Variants in DDX31 observed in about 807,000 individuals in gnomAD.
DDX31 encodes DEAD-box helicase 31.
In DDX31, 70 loss-of-function variants were observed where a neutral mutation model predicts 91.3. That is an observed-to-expected ratio of 0.77 (90% CI 0.63 to 0.94). The LOEUF (loss-of-function observed/expected upper bound fraction) is 0.94, where lower values mean the gene tolerates loss of function less well. Ranked by LOEUF, DDX31 falls within the 40% of genes least tolerant of loss-of-function variation. DDX31 has a pLI of 0.00. For missense variants in DDX31, 902 were observed against 925.0 expected (o/e 0.98, Z 0.32); for synonymous variants, 362 against 350.6 (o/e 1.03, Z -0.36).
At chr9:132,626,992 C>A (rs1012386224) in intron 16 of DDX31, among the ~76,000 whole-genome samples, 2 of 152,198 alleles carry the variant, frequency 1.3e-5, no homozygotes, top group South Asian at 4.2e-4. Context: ...GAGAGCAATG[C>A]ATGGGTATTG....
At position 132,669,941 on chromosome 9, in the gene DDX31, C is replaced by T. The variant is rs2130884845; in HGVS notation, c.-7G>A. 6.3e-7 allele frequency: 1 copy of T among 1,588,358 alleles called. No homozygotes were observed. Among genetic ancestry groups the T allele is most frequent in the Non-Finnish European group, 8.6e-7 (1 of 1,168,278 alleles). On this transcript the variant is annotated 5_prime_UTR_variant, in exon 1 of 20. Transcript: ENST00000372159. ...AACCGTCGGCGGCTGCCATGGTCTG[C>T]GTGGGTGACGCGTGGTGCAGCAGCG... is the stretch of plus-strand genomic sequence containing the variant.
chr9:132,618,512 G>T (rs2119368050), intron 17 of DDX31, 71 bp from the exon 18 acceptor site: 2 of 1,325,314 alleles, frequency 1.5e-6, no homozygotes, highest in Non-Finnish European at 2.1e-6. Context: ...GTTTATAATA[G>T]ATTTAATAAC....
At chr9:132,665,681 T>C (rs1489018986) in intron 1 of DDX31, among the ~76,000 whole-genome samples, 1 of 152,228 alleles carries the variant, frequency 6.6e-6, no homozygotes, top group East Asian at 1.9e-4. Context: ...TGAGGGGATT[T>C]TGGCAGATGA....
intron 4 of DDX31, among the ~76,000 whole-genome samples, chr9:132,660,335 C>CAAAAAA (rs773583376): frequency 7.2e-5 from 4 of 55,286 alleles, no homozygotes; most frequent in Non-Finnish European, 1.1e-4. Context: ...AACTCCGTCT[C>CAAAAAA]AAAAAAAAAA....
At chr9:132,634,585 G>GTTTTTTT (rs59296842) in intron 14 of DDX31, among the ~76,000 whole-genome samples, 1 of 103,102 alleles carries the variant, frequency 9.7e-6, no homozygotes. Context: ...TACCTAAGAT[G>GTTTTTTT]TTTTTTTTTT....
Position 132,595,063 on chromosome 9 carries a change from G to T in DDX31, c.2044C>A (p.Leu682Ile). ...ATGCCGCTTGAGTATTCCGAACGTA[G>T]GATTTCAGCGAGGCTGTGTTTACTC... ...TQSKHSLAEI[L>I]RSEYSSGMEA... Residue 682 changes from leucine (L) to isoleucine (I), a missense_variant, in exon 20 of 20, where the codon CTA (leucine) becomes ATA (isoleucine). Coordinates refer to ENST00000372159, the MANE Select transcript of DDX31 (RefSeq NM_022779.9). The surrounding 1 kb of genome is among the most constrained non-coding windows in gnomAD (Gnocchi z 4.6). The T allele has an allele frequency of 6.2e-7, 1 of 1,614,216 alleles. No individual in the cohort carries two copies. Among genetic ancestry groups the T allele is most frequent in the Non-Finnish European group, 8.5e-7 (1 of 1,180,046 alleles).
At chr9:132,627,008 G>A (rs1044760537) in intron 16 of DDX31, among the ~76,000 whole-genome samples, 10 of 152,092 alleles carry the variant, frequency 6.6e-5, no homozygotes, top group African/African-American at 1.7e-4. Flanking sequence ...TATTGAACTC[G>A]CCTCTCATTT....
rs1196162099 is a variant in DDX31, at chr9:132,593,314, T to C, written c.*1552A>G. 3.3e-5 allele frequency: 5 copies of C among 152,198 alleles called. No homozygotes were observed. The highest frequency in any genetic ancestry group is 9.7e-5 in the African/African-American group (4 of 41,442). 9.4% of individuals were successfully genotyped at this position (152,198 alleles called of 1,614,324 possible). A position where few individuals can be genotyped will look rare whatever the true frequency, so the allele number is the denominator to read the frequency against. On this transcript the variant is annotated 3_prime_UTR_variant, in exon 20 of 20. Coordinates refer to ENST00000372159, the MANE Select transcript of DDX31 (RefSeq NM_022779.9). Reference sequence around the variant, plus strand: ...GAGAAAAAGTAAGGTTTCTCTTTGATCATCCCCAATCACTGGCATTAATCC... The same window carrying C: ...GAGAAAAAGTAAGGTTTCTCTTTGACCATCCCCAATCACTGGCATTAATCC...
intron 6 of DDX31, chr9:132,658,395 A>C: frequency 1.4e-6 from 1 of 702,914 alleles, no homozygotes; most frequent in Non-Finnish European, 2.6e-6. Context: ...TTAAAGATTC[A>C]AGAAGGGAAC....
chr9:132,638,366 G>GT, intron 14 of DDX31: 1 of 1,614,174 alleles, frequency 6.2e-7, no homozygotes, highest in South Asian at 1.1e-5. Context: ...GTTCTTCACT[G>GT]TAAGTAGGAG....
chr9:132,618,365 T>A lies in DDX31; in HGVS notation c.1790A>T (p.His597Leu). ...VLQTVFEDYV[H>L]SSERRVSWAK... ...CCAGGAGACCCTCCTCTCACTGGAGTGCACGTAATCTTCAAATACCGTCTG... is the reference window on the plus strand; with the variant it reads ...CCAGGAGACCCTCCTCTCACTGGAGAGCACGTAATCTTCAAATACCGTCTG... Residue 597 changes from histidine (H) to leucine (L), a missense_variant, in exon 18 of 20, where the codon CAC (histidine) becomes CTC (leucine). Physicochemically the swap from His to Leu is moderately conservative, Grantham distance 99. Coordinates refer to ENST00000372159, the MANE Select transcript of DDX31 (RefSeq NM_022779.9). 8.7e-6 allele frequency: 14 copies of A among 1,611,812 alleles called. No homozygotes were observed. The highest frequency in any genetic ancestry group is 1.2e-5 in the Non-Finnish European group (14 of 1,179,186).
chr9:132,649,514 C>A (rs529557230), intron 9 of DDX31, among the ~76,000 whole-genome samples: 1 of 152,162 alleles, frequency 6.6e-6, no homozygotes, highest in Non-Finnish European at 1.5e-5. Flanking sequence ...AGCACCAGGC[C>A]AGCCTTGGAC....
intron 17 of DDX31, among the ~76,000 whole-genome samples, chr9:132,623,809 G>A (rs1832210952): frequency 6.6e-6 from 1 of 152,016 alleles, no homozygotes. Flanking sequence ...ATCCACATCT[G>A]CTCCCTGCTG....
At chr9:132,621,993 TAAAAA>T (rs11306949) in intron 17 of DDX31, among the ~76,000 whole-genome samples, 158 of 143,716 alleles carry the variant, frequency 1.1e-3, no homozygotes, top group East Asian at 4.1e-3. Context: ...CAGCTTTTCT[TAAAAA>T]AAAAAAAAAA....
intron 19 of DDX31, among the ~76,000 whole-genome samples, chr9:132,605,294 G>C (rs1830950798): frequency 6.6e-6 from 1 of 152,136 alleles, no homozygotes; most frequent in Non-Finnish European, 1.5e-5. Context: ...TGGGCATTCG[G>C]GTTGAGCATC....
intron 14 of DDX31, among the ~76,000 whole-genome samples, chr9:132,641,156 T>C (rs911099663): frequency 1.3e-5 from 2 of 152,236 alleles, no homozygotes; most frequent in Non-Finnish European, 2.9e-5. Flanking sequence ...AAAGTCTCCA[T>C]TGCCTTTAAT....
At chr9:132,642,641 CAA>C (rs750890723) in intron 13 of DDX31, among the ~76,000 whole-genome samples, 6 of 132,180 alleles carry the variant, frequency 4.5e-5, no homozygotes, top group Admixed American at 7.5e-5. Flanking sequence ...TGCAGCTTTC[CAA>C]AAAAAAAAAA....
chr9:132,630,300 G>A lies in DDX31; in HGVS notation c.1595C>T (p.Ala532Val). 6.3e-7 allele frequency: 1 copy of A among 1,591,618 alleles called. No homozygotes were observed. The highest frequency in any genetic ancestry group is 8.6e-7 in the Non-Finnish European group (1 of 1,161,750). Residue 532 changes from alanine (A) to valine (V), a missense_variant, in exon 16 of 20, where the codon GCA (alanine) becomes GTA (valine). Ala to Val is a moderately conservative substitution (Grantham distance 64). Coordinates refer to ENST00000372159, the MANE Select transcript of DDX31 (RefSeq NM_022779.9). ...AGAAGCCAACGAGTTGACATATTCT[G>A]CCTCCGAAGGAGCCAAAATGAGCAG... The part of the protein sequence containing the change: ...SSLLILAPSE[A>V]EYVNSLASHK...
chr9:132,595,371 G>C lies in DDX31; in HGVS notation c.1995-259C>G, dbSNP rs940738595. On this transcript the variant is annotated intron_variant, in intron 19 of 19. Coordinates refer to ENST00000372159, the MANE Select transcript of DDX31 (RefSeq NM_022779.9). This position sits in a 1 kb window ranked among gnomAD's most constrained non-coding sequence, Gnocchi z 4.6. ...GCTTTGTTCTGTGTTGTTTTCATGGGGAAAAAAAGAACTATACACCCTCAT... is the reference window on the plus strand; with the variant it reads ...GCTTTGTTCTGTGTTGTTTTCATGGCGAAAAAAAGAACTATACACCCTCAT... Among the ~76,000 whole-genome samples, 4 of 152,076 alleles carry C rather than the reference G, an allele frequency of 2.6e-5. No individual in the cohort carries two copies. Among genetic ancestry groups the C allele is most frequent in the Non-Finnish European group, 5.9e-5 (4 of 67,990 alleles).
Sources: allele counts gnomAD v4.1 joint callset (sites outside exome capture counted in the v4.1 genomes callset), GRCh38; gene constraint gnomAD v4.1.1; non-coding constraint Gnocchi (gnomAD v3.1); transcripts MANE v1.5; gene names NCBI Gene and HGNC (gene_info 2026-07-23, HGNC 2026-07-21).